The following PYGB variants were observed in gnomAD, a reference collection of about 807,000 sequenced individuals.
The protein encoded by PYGB is glycogen phosphorylase, brain form.
A neutral mutation model predicts 94.3 loss-of-function variants in PYGB; 82 were observed. The ratio of observed to expected loss-of-function variants is 0.87; its 90% CI spans 0.73 to 1.04. The LOEUF is 1.04. PYGB is among the 50% of genes least tolerant of loss of function. The pLI, the probability that PYGB is intolerant of heterozygous loss-of-function variation, is 0.00. For missense variants in PYGB, 1,132 were observed against 1,158.2 expected (o/e 0.98, Z 0.33); for synonymous variants, 488 against 479.1 (o/e 1.02, Z -0.24).
rs779954902 is a variant in PYGB at position 25,271,408 on chromosome 20, C to G, written c.450C>G (p.Thr150=). The stretch of plus-strand genomic sequence containing the variant: ...CGTGTTTCCTTGACTCAATGGCTAC[C>G]TTGGGCCTGGCAGCATACGGCTATG... The part of the protein sequence containing the change: ...LAACFLDSMA[T]LGLAAYGYGI... Residue 150 remains threonine, a synonymous_variant, in exon 4 of 20, where the codon ACC becomes ACG. Transcript: ENST00000216962. 21 of 1,614,132 alleles carry G rather than the reference C, an allele frequency of 1.3e-5. 2 individuals carry two copies. The South Asian group carries it at 2.1e-4, about 16-fold the overall frequency.
At chr20:25,271,733 C>T (rs1476186538) in intron 4 of PYGB, among the ~76,000 whole-genome samples, 2 of 152,134 alleles carry the variant, frequency 1.3e-5, no homozygotes, top group African/African-American at 2.4e-5. Context: ...GAAGTTGGGG[C>T]GTGCAGGACA....
At chr20:25,275,581 G>A (rs955688537) in intron 5 of PYGB, among the ~76,000 whole-genome samples, 15 of 152,246 alleles carry the variant, frequency 9.9e-5, no homozygotes, top group African/African-American at 3.1e-4. Flanking sequence ...CGAGTGGCTG[G>A]GGCCATGCCA....
Position 25,259,286 on chromosome 20 carries a change from A to T in PYGB, c.293A>T (p.Asn98Ile). Residue 98 changes from asparagine (N) to isoleucine (I), a missense_variant, in exon 2 of 20, where the codon AAC (asparagine) becomes ATC (isoleucine). Physicochemically the swap from Asn to Ile is moderately radical, Grantham distance 149. Transcript: ENST00000216962. ...LEFYMGRTLQ[N>I]TMVNLGLQNA... is the part of the protein sequence containing the mutation. ...TTCTACATGGGTCGCACGCTGCAGA[A>T]CACGATGGTGAACCTGGGCCTTCAG... 6.2e-7 allele frequency: 1 copy of T among 1,612,776 alleles called. No individual in the cohort carries two copies. Among genetic ancestry groups the T allele is most frequent in the South Asian group, 1.1e-5 (1 of 91,046 alleles).
chr20:25,248,385 C>A lies in PYGB; in HGVS notation c.207C>A (p.Ile69=). 1.3e-6 allele frequency: 2 copies of A among 1,589,898 alleles called. No homozygotes were observed. Among genetic ancestry groups the A allele is most frequent in the Non-Finnish European group, 1.7e-6 (2 of 1,169,686 alleles). The stretch of plus-strand genomic sequence containing the variant: ...GCGACCACCTCGTGGGCCGCTGGAT[C>A]CGCACGCAGCAGCACTACTACGAGC... ...TVRDHLVGRW[I]RTQQHYYERD... The change falls in exon 1 of 20, where the codon ATC becomes ATA. Residue 69 remains isoleucine (I), a synonymous_variant. Coordinates refer to ENST00000216962, the MANE Select transcript of PYGB (RefSeq NM_002862.4).
At chr20:25,278,280 G>GCCCTGGGACTCGGTCATGGGGCATGTGCC in intron 7 of PYGB, 39 bp from the exon 8 acceptor site, 4 of 1,566,738 alleles carry the variant, frequency 2.6e-6, no homozygotes, top group Admixed American at 3.5e-5. Context: ...GAGGAGAATG[G>GCCCTGGGACTCGGTCATGGGGCATGTGCC]CCCAGCCTGC....
chr20:25,260,935 G>C (rs2092912051), intron 2 of PYGB, among the ~76,000 whole-genome samples: 1 of 152,216 alleles, frequency 6.6e-6, no homozygotes, highest in African/African-American at 2.4e-5. Flanking sequence ...TTGGGGAGGG[G>C]CGTCCGCCAT....
rs546558429 is a variant in PYGB at position 25,291,182 on chromosome 20, G to T, written c.1969+560G>T. On this transcript the variant is annotated intron_variant, in intron 16 of 19. Coordinates refer to ENST00000216962, the MANE Select transcript of PYGB (RefSeq NM_002862.4). ...CTCTTGGGCCCACCAGTGATCTCAG[G>T]TGGCAGCACCTGCCTCATCTGTGCT... 5.8e-4 allele frequency among the ~76,000 whole-genome samples: 89 copies of T among 152,300 alleles called. 1 individual carries two copies. The highest frequency in any genetic ancestry group is 9.7e-4 in the Non-Finnish European group (66 of 68,014).
In PYGB at chr20:25,283,332, T is replaced by C. The variant is rs1482088426; in HGVS notation, c.1620+55T>C. The C allele has an allele frequency of 6.6e-6, 10 of 1,508,760 alleles. No individual in the cohort carries two copies. In the Admixed American group the frequency reaches 1.7e-4, roughly 26 times the overall value. The allele number at this position is 1,508,760 out of a possible 1,614,324, so 93.5% of individuals were successfully genotyped here. A position where few individuals can be genotyped will look rare whatever the true frequency, so the allele number is the denominator to read the frequency against. The stretch of plus-strand genomic sequence containing the variant: ...CCCAGCCCTCCCACAACCAGGCAGG[T>C]AGGCCCTGGCCCTAGCCCTCCTACA... On this transcript the variant is annotated intron_variant, in intron 13 of 19. Transcript: ENST00000216962.
intron 16 of PYGB, among the ~76,000 whole-genome samples, chr20:25,291,974 G>A (rs1224448763): frequency 3.9e-5 from 6 of 152,286 alleles, no homozygotes; most frequent in Non-Finnish European, 8.8e-5. Context: ...CCCCTCAGCC[G>A]CTCCAGCCTT....
intron 14 of PYGB, 59 bp downstream of exon 14, chr20:25,284,310 G>A (rs1364583782): frequency 1.1e-5 from 18 of 1,577,570 alleles, no homozygotes; most frequent in East Asian, 9.0e-5. Context: ...GCCCTTGCCC[G>A]CCAGCTGTGC....
In PYGB at chr20:25,268,135, G is replaced by A. The variant is rs1054295242; in HGVS notation, c.346-994G>A. 2.8e-5 allele frequency among the ~76,000 whole-genome samples: 4 copies of A among 142,448 alleles called. No homozygotes were observed. In the South Asian group the frequency reaches 6.6e-4, roughly 24 times the overall value. The allele number at this position is 142,448 out of a possible 152,430, so 93.5% of individuals were successfully genotyped here. The stretch of plus-strand genomic sequence containing the variant: ...TATTTCTTAACTTTGAGCCAGTAAT[G>A]CATTATTGAGTAAATCCTAGCACCC... On this transcript the variant is annotated intron_variant, in intron 2 of 19. Transcript: ENST00000216962.
intron 2 of PYGB, among the ~76,000 whole-genome samples, chr20:25,262,591 A>G (rs915199188): frequency 6.6e-6 from 1 of 152,188 alleles, no homozygotes; most frequent in Non-Finnish European, 1.5e-5. Flanking sequence ...ATAACCAGCT[A>G]ACATCATAAT....
intron 1 of PYGB, among the ~76,000 whole-genome samples, chr20:25,249,636 TTC>T (rs2092881843): frequency 6.6e-6 from 1 of 152,246 alleles, no homozygotes; most frequent in South Asian, 2.1e-4. Flanking sequence ...TTCTGGGACA[TTC>T]TTTTTTCTAA....
intron 2 of PYGB, among the ~76,000 whole-genome samples, chr20:25,268,383 A>T (rs2088238080): frequency 6.8e-6 from 1 of 148,028 alleles, no homozygotes; most frequent in Non-Finnish European, 1.5e-5. Context: ...TGGTTTCAAA[A>T]ATGTCCTTTT....
At chr20:25,268,364 A>AT (rs1442822739) in intron 2 of PYGB, among the ~76,000 whole-genome samples, 1 of 150,688 alleles carries the variant, frequency 6.6e-6, no homozygotes, top group Non-Finnish European at 1.5e-5. Flanking sequence ...TTCTCAATGG[A>AT]TATTTTTTTG....
intron 16 of PYGB, among the ~76,000 whole-genome samples, chr20:25,291,582 C>T (rs893407711): frequency 1.3e-5 from 2 of 152,206 alleles, no homozygotes; most frequent in African/African-American, 2.4e-5. Flanking sequence ...GAGGCACTCA[C>T]GGGCCGGCTT....
In PYGB at chr20:25,248,108, G is replaced by GCACCATCC; in HGVS notation, c.-69_-62dup. 1 of 1,475,648 alleles carries GCACCATCC rather than the reference G, an allele frequency of 6.8e-7. No homozygotes were observed. Among genetic ancestry groups the GCACCATCC allele is most frequent in the Non-Finnish European group, 9.0e-7 (1 of 1,115,632 alleles). 91.4% of individuals were successfully genotyped at this position (1,475,648 alleles called of 1,614,324 possible). A position where few individuals can be genotyped will look rare whatever the true frequency, so the allele number is the denominator to read the frequency against. Reference sequence around the variant, plus strand: ...CCAGAGCAGCGGCGCCAGAGCAGCTGCACCATCCCGGCGTTCGCGTGTGCC... The same window carrying GCACCATCC: ...CCAGAGCAGCGGCGCCAGAGCAGCTGCACCATCCCACCATCCCGGCGTTCGCGTGTGCC... On this transcript the variant is annotated 5_prime_UTR_variant, in exon 1 of 20. Coordinates refer to ENST00000216962, the MANE Select transcript of PYGB (RefSeq NM_002862.4).
chr20:25,274,580 G>T lies in PYGB; in HGVS notation c.529-12G>T. The T allele has an allele frequency of 6.2e-7, 1 of 1,611,798 alleles. No homozygotes were observed. The highest frequency in any genetic ancestry group is 8.5e-7 in the Non-Finnish European group (1 of 1,179,012). On this transcript the variant is annotated splice_polypyrimidine_tract_variant and intron_variant, in intron 4 of 19. Coordinates refer to ENST00000216962, the MANE Select transcript of PYGB (RefSeq NM_002862.4). ...TGCGCTGAGGGTGCCCTCACAGCTG[G>T]CTTCTTTCCAGGTAGAGGAGGCCGA...
intron 1 of PYGB, among the ~76,000 whole-genome samples, chr20:25,249,552 A>T (rs1182332521): frequency 6.6e-6 from 1 of 152,254 alleles, no homozygotes; most frequent in Non-Finnish European, 1.5e-5. Flanking sequence ...ATGGTATTTT[A>T]GAATATTTTT....
Sources: gnomAD v4.1 joint callset for allele counts (sites outside exome capture counted in the v4.1 genomes callset) on GRCh38, gnomAD v4.1.1 for gene constraint, MANE v1.5 for transcripts, NCBI Gene and HGNC (gene_info 2026-07-23, HGNC 2026-07-21) for gene names.